SEMA6C: variants seen among roughly 807,000 people sequenced by gnomAD.
SEMA6C encodes semaphorin 6C.
SEMA6C carries 37 observed loss-of-function variants against 72.9 expected under a neutral mutation model. The observed-to-expected ratio is 0.51, with a 90% confidence interval of 0.39 to 0.67. The LOEUF is 0.67. SEMA6C is among the 30% of genes least tolerant of loss of function. The pLI, the probability that SEMA6C is intolerant of heterozygous loss-of-function variation, is 0.00. For missense variants in SEMA6C, 1,189 were observed against 1,263.6 expected (o/e 0.94, Z 0.89); for synonymous variants, 578 against 554.1 (o/e 1.04, Z -0.61).
chr1:151,143,732 A>G (rs1384302341), intron 2 of SEMA6C, among the ~76,000 whole-genome samples: 1 of 152,188 alleles, frequency 6.6e-6, no homozygotes, highest in East Asian at 1.9e-4. Flanking sequence ...GGCCCACAGC[A>G]GGAGGTATAC....
rs1185847265 is a variant in SEMA6C at position 151,132,756 on chromosome 1, C to T, written c.2521G>A (p.Ala841Thr). ...APARPALSAP[A>T]PRLGVGGGRR... ...CCTCCGCCGACGCCCAGCCGGGGAG[C>T]GGGGGCGGAGAGCGCGGGCCGGGCG... Residue 841 changes from alanine (A) to threonine (T), a missense_variant, in exon 19 of 19, where the codon GCT becomes ACT. Transcript: ENST00000368914. 4.2e-6 allele frequency: 6 copies of T among 1,440,644 alleles called. No homozygotes were observed. The highest frequency in any genetic ancestry group is 2.6e-5 in the East Asian group (1 of 38,294). The allele number at this position is 1,440,644 out of a possible 1,614,324, so 89.2% of individuals were successfully genotyped here. A position where few individuals can be genotyped will look rare whatever the true frequency, so the allele number is the denominator to read the frequency against.
intron 6 of SEMA6C, 110 bp downstream of exon 6, chr1:151,139,315 T>C (rs759895053): frequency 4.4e-6 from 4 of 903,754 alleles, no homozygotes; most frequent in Non-Finnish European, 7.4e-6. Flanking sequence ...CCCTGTGGCC[T>C]GGGATGGAAA....
chr1:151,139,941 A>G lies in SEMA6C; in HGVS notation c.233+35T>C, dbSNP rs776705882. On this transcript the variant is annotated intron_variant, in intron 4 of 18. Transcript: ENST00000368914. The stretch of plus-strand genomic sequence containing the variant: ...GTCCCAAGTCTGCCCAGGAGCATGC[A>G]TGTCTGCCCCACAACTGTGCCACGG... 5.7e-6 allele frequency: 9 copies of G among 1,592,364 alleles called. No individual in the cohort carries two copies. In the Admixed American group the frequency reaches 1.3e-4, roughly 24 times the overall value.
rs774708055 is a variant in SEMA6C at position 151,142,606 on chromosome 1, G to T, written c.16C>A (p.His6Asn). 27 of 1,586,398 alleles carry T rather than the reference G, an allele frequency of 1.7e-5. No individual in the cohort carries two copies. In the East Asian group the frequency reaches 3.9e-4, roughly 23 times the overall value. Reference sequence around the variant, plus strand: ...AGCAGTAGCAGCAAGGGCATGAAGTGGGGGGCACGGGGCATCCTGTGCGGG... The same window carrying T: ...AGCAGTAGCAGCAAGGGCATGAAGTTGGGGGCACGGGGCATCCTGTGCGGG... Reference protein sequence around the residue: MPRAPHFMPLLLLLLL... With the variant: MPRAPNFMPLLLLLLL... Residue 6 changes from histidine to asparagine, a missense_variant, in exon 3 of 19, where the codon CAC becomes AAC. By Grantham distance (68) the His-to-Asn change is moderately conservative. Coordinates refer to ENST00000368914, the MANE Select transcript of SEMA6C (RefSeq NM_030913.6).
Position 151,138,055 on chromosome 1 carries a change from C to T in SEMA6C, c.598G>A (p.Val200Ile), listed in dbSNP as rs199934015. The change falls in exon 9 of 19, where the codon GTA becomes ATA. Residue 200 changes from valine to isoleucine, a missense_variant. Physicochemically the swap from Val to Ile is conservative, Grantham distance 29. Coordinates refer to ENST00000368914, the MANE Select transcript of SEMA6C (RefSeq NM_030913.6). ...TGGGGCCCAAGGCTTCTGTAAACTA[C>T]AGCATCACTGGCCTGGAAATCCGCA... ...TAADFQASDA[V>I]VYRSLGPQPP... 1.2e-6 allele frequency: 2 copies of T among 1,614,220 alleles called. No homozygotes were observed. The highest frequency in any genetic ancestry group is 4.5e-5 in the East Asian group (2 of 44,886).
chr1:151,134,030 A>AG (rs768670502), intron 18 of SEMA6C: 2 of 1,533,408 alleles, frequency 1.3e-6, no homozygotes, highest in Non-Finnish European at 1.8e-6. Flanking sequence ...TGGGGGTCCC[A>AG]GGGGAAGGGC....
intron 3 of SEMA6C, among the ~76,000 whole-genome samples, chr1:151,141,868 C>G (rs1682583142): frequency 6.6e-6 from 1 of 151,844 alleles, no homozygotes; most frequent in Non-Finnish European, 1.5e-5. Context: ...AGTGATCTTC[C>G]TGCCTCAGCC....
Position 151,140,009 on chromosome 1 carries a change from A to G in SEMA6C, c.200T>C (p.Leu67Pro). ...AELGLDFQRF[L>P]TLNRTLLVAA... Reference sequence around the variant, plus strand: ...CACTAGCAAGGTCCGGTTCAAGGTCAGGAATCTCTGAAAGTCCAGCCCAAG... The same window carrying G: ...CACTAGCAAGGTCCGGTTCAAGGTCGGGAATCTCTGAAAGTCCAGCCCAAG... The change falls in exon 4 of 19, where the codon CTG (leucine) becomes CCG (proline). Residue 67 changes from leucine (L) to proline (P), a missense_variant. Transcript: ENST00000368914. 6.2e-7 allele frequency: 1 copy of G among 1,614,200 alleles called. No homozygotes were observed. Among genetic ancestry groups the G allele is most frequent in the Non-Finnish European group, 8.5e-7 (1 of 1,180,034 alleles).
At chr1:151,142,287 C>T (rs1418648732) in intron 3 of SEMA6C, among the ~76,000 whole-genome samples, 1 of 152,158 alleles carries the variant, frequency 6.6e-6, no homozygotes, top group African/African-American at 2.4e-5. Context: ...ATGCTCTTAA[C>T]CTCCACACGA....
rs58763463 is a variant in SEMA6C, at chr1:151,146,297, C to G, written c.-105+136G>C. The G allele has an allele frequency of 0.021, 3,277 of 153,220 alleles. 101 individuals carry two copies. Among genetic ancestry groups the G allele is most frequent in the African/African-American group, 0.074 (3,078 of 41,552 alleles). 9.5% of individuals were successfully genotyped at this position (153,220 alleles called of 1,614,324 possible). On this transcript the variant is annotated intron_variant, in intron 1 of 18. Transcript: ENST00000368914. The surrounding 1 kb of genome is among the most constrained non-coding windows in gnomAD (Gnocchi z 4.6). ...TCCCTGCACCCCAATTTCGTTGACC[C>G]TCTCCGTCAGCCAGGCACACCGGGC...
chr1:151,135,661 T>G lies in SEMA6C; in HGVS notation c.1363A>C (p.Thr455Pro), dbSNP rs4971007. ...SNDGTVLKVL[T>P]PGGRSGGPEP... Reference sequence around the variant, plus strand: ...GGTCCCCCGGATCGCCCACCTGGGGTCAGCACCTTCAGCACTGTCCCATCA... The same window carrying G: ...GGTCCCCCGGATCGCCCACCTGGGGGCAGCACCTTCAGCACTGTCCCATCA... The change falls in exon 14 of 19, where the codon ACC becomes CCC. Residue 455 changes from threonine to proline, a missense_variant. Transcript: ENST00000368914. 0.81 allele frequency: 1,308,387 copies of G among 1,614,048 alleles called. 531,047 individuals carry two copies. Among genetic ancestry groups the G allele is most frequent in the East Asian group, 0.91 (40,976 of 44,882 alleles).
chr1:151,136,425 A>G (rs758967822), intron 12 of SEMA6C, 23 bp downstream of exon 12: 2 of 1,608,228 alleles, frequency 1.2e-6, no homozygotes, highest in African/African-American at 1.3e-5. Context: ...CTGCCCCCAC[A>G]AAAACAACTC....
At chr1:151,139,092 CAA>C (rs887064091) in intron 6 of SEMA6C, among the ~76,000 whole-genome samples, 6 of 53,094 alleles carry the variant, frequency 1.1e-4, no homozygotes, top group Non-Finnish European at 1.5e-4. Flanking sequence ...GACTCCGTCT[CAA>C]AAAAAAAAAA....
chr1:151,137,011 C>T lies in SEMA6C; in HGVS notation c.820G>A (p.Asp274Asn). 1 of 1,614,082 alleles carries T rather than the reference C, an allele frequency of 6.2e-7. No individual in the cohort carries two copies. The highest frequency in any genetic ancestry group is 1.7e-5 in the Admixed American group (1 of 60,024). ...RDMGGSPRAL[D>N]RHWTSFLKLR... ...TTCAGGAAGGATGTCCAGTGGCGGT[C>T]CAAGGCCCGAGGCGAGCCGCCCATG... The change falls in exon 11 of 19, where the codon GAC becomes AAC. Residue 274 changes from aspartate (D) to asparagine (N), a missense_variant. Asp to Asn is a conservative substitution (Grantham distance 23, BLOSUM62 1). Transcript: ENST00000368914.
At chr1:151,134,258 C>A (rs1681826435) in intron 18 of SEMA6C, 143 bp downstream of exon 18, 2 of 854,768 alleles carry the variant, frequency 2.3e-6, no homozygotes, top group Non-Finnish European at 3.9e-6. Flanking sequence ...AAGTACTGAG[C>A]TACATGCTGG....
rs1306779629 is a variant in SEMA6C at position 151,133,683 on chromosome 1, T to C, written c.1760-166A>G. ...ATCCTCAGGATTCACCTCTCCTGAC[T>C]CCTCAGCATACAGCCCACGCACTAC... On this transcript the variant is annotated intron_variant, in intron 18 of 18. Coordinates refer to ENST00000368914, the MANE Select transcript of SEMA6C (RefSeq NM_030913.6). The surrounding 1 kb of genome is among the most constrained non-coding windows in gnomAD (Gnocchi z 5.9). 1.3e-5 allele frequency among the ~76,000 whole-genome samples: 2 copies of C among 152,156 alleles called. No homozygotes were observed. Among genetic ancestry groups the C allele is most frequent in the African/African-American group, 4.8e-5 (2 of 41,448 alleles).
At chr1:151,135,553 C>A (rs1353687815) in intron 14 of SEMA6C, 38 bp downstream of exon 14, 2 of 1,586,328 alleles carry the variant, frequency 1.3e-6, no homozygotes, top group South Asian at 2.3e-5. Context: ...CCCATCCCCT[C>A]CCTGCTTTGC....
intron 12 of SEMA6C, 140 bp from the exon 13 acceptor site, chr1:151,136,303 C>A: frequency 6.8e-7 from 1 of 1,471,604 alleles, no homozygotes; most frequent in Non-Finnish European, 9.2e-7. Context: ...GTCCCCTTCC[C>A]TGCCGCAGCT....
intron 17 of SEMA6C, 58 bp from the exon 18 acceptor site, chr1:151,134,503 T>G: frequency 6.2e-7 from 1 of 1,605,078 alleles, no homozygotes; most frequent in South Asian, 1.1e-5. Flanking sequence ...GAAGAACTGA[T>G]GGGGTGACTG....
Sources: gnomAD v4.1 joint callset for allele counts (sites outside exome capture counted in the v4.1 genomes callset) on GRCh38, gnomAD v4.1.1 for gene constraint, Gnocchi (gnomAD v3.1) non-coding constraint, MANE v1.5 for transcripts, NCBI Gene and HGNC (gene_info 2026-07-23, HGNC 2026-07-21) for gene names.